The following RIMS2 variants were observed in gnomAD, a reference collection of about 807,000 sequenced individuals.
RIMS2 encodes the protein regulating synaptic membrane exocytosis protein 2.
In RIMS2, 59 loss-of-function variants were observed where a neutral mutation model predicts 174.4. The observed-to-expected ratio is 0.34, with a 90% CI of 0.27 to 0.42. The LOEUF is 0.42. RIMS2 is among the 10% of genes least tolerant of loss of function. RIMS2 has a pLI of 1.00. For synonymous variants in RIMS2, 606 were observed against 572.5 expected (o/e 1.06, Z -0.84); for missense variants, 1,620 against 1,666.3 (o/e 0.97, Z 0.48).
At chr8:103,512,353 GT>G (rs1463164812) in intron 1 of RIMS2, among the ~76,000 whole-genome samples, 1 of 152,172 alleles carries the variant, frequency 6.6e-6, no homozygotes, top group Non-Finnish European at 1.5e-5. Flanking sequence ...TAAATTTATA[GT>G]AGGCTATGTT....
At chr8:103,647,850 A>AT (rs1310435731) in intron 1 of RIMS2, among the ~76,000 whole-genome samples, 1 of 130,138 alleles carries the variant, frequency 7.7e-6, no homozygotes, top group African/African-American at 2.8e-5. Context: ...TATTATATTA[A>AT]TTTTTTTTCC....
intron 1 of RIMS2, among the ~76,000 whole-genome samples, chr8:103,643,198 G>T (rs193199368): frequency 6.6e-6 from 1 of 151,828 alleles, no homozygotes; most frequent in Non-Finnish European, 1.5e-5. Flanking sequence ...CTGTTGATGA[G>T]TCTGTCAAAG....
intron 19 of RIMS2, among the ~76,000 whole-genome samples, chr8:104,125,266 T>C (rs919780224): frequency 6.6e-6 from 1 of 152,152 alleles, no homozygotes; most frequent in African/African-American, 2.4e-5. Flanking sequence ...GACTGAGCGA[T>C]ATGTATTTTA....
At chr8:103,985,814 T>C (rs186679397) in intron 16 of RIMS2, among the ~76,000 whole-genome samples, 1 of 152,324 alleles carries the variant, frequency 6.6e-6, no homozygotes, top group East Asian at 1.9e-4. Flanking sequence ...CTATCATTTC[T>C]GACAACATAG....
intron 19 of RIMS2, among the ~76,000 whole-genome samples, chr8:104,055,636 G>A (rs569239363): frequency 6.6e-6 from 1 of 152,130 alleles, no homozygotes; most frequent in South Asian, 2.1e-4. Context: ...AAAGATACAG[G>A]AATTGTGACT....
At chr8:104,079,107 T>C (rs2097356406) in intron 19 of RIMS2, among the ~76,000 whole-genome samples, 1 of 152,044 alleles carries the variant, frequency 6.6e-6, no homozygotes. Context: ...AAAAAAGTCA[T>C]TTGAGATGAC....
At chr8:103,745,704 A>C (rs529513058) in intron 2 of RIMS2, among the ~76,000 whole-genome samples, 1 of 152,200 alleles carries the variant, frequency 6.6e-6, no homozygotes, top group East Asian at 1.9e-4. Flanking sequence ...TTTGATTTGC[A>C]TTTTCCAGTG....
chr8:103,636,796 C>G (rs1483232366), intron 1 of RIMS2, among the ~76,000 whole-genome samples: 15 of 59,904 alleles, frequency 2.5e-4, no homozygotes, highest in Non-Finnish European at 4.6e-4. Context: ...GCACCCCCCC[C>G]CCCCCACACA....
At chr8:104,222,066 T>C (rs1003973861) in intron 19 of RIMS2, among the ~76,000 whole-genome samples, 3 of 152,240 alleles carry the variant, frequency 2.0e-5, no homozygotes, top group Non-Finnish European at 4.4e-5. Context: ...TTCACACCTC[T>C]GTTCAAATGT....
At chr8:103,545,519 T>C (rs28871669) in intron 1 of RIMS2, among the ~76,000 whole-genome samples, 27,713 of 152,180 alleles carry the variant, frequency 0.18, 2,770 homozygotes, top group African/African-American at 0.26. Flanking sequence ...CCAGGAAATG[T>C]AGAGAATCCC....
intron 2 of RIMS2, among the ~76,000 whole-genome samples, chr8:103,701,452 C>T (rs1432820047): frequency 6.6e-6 from 1 of 152,074 alleles, no homozygotes; most frequent in Non-Finnish European, 1.5e-5. Flanking sequence ...TTTCTCCCAG[C>T]TATTTTGAAA....
At position 104,146,523 on chromosome 8, in the gene RIMS2, T is replaced by A. The variant is rs112244834; in HGVS notation, c.3335-98393T>A. ...TGCAAAATGATGTATCAGTTCCAGT[T>A]AGTATTTTATTGTAGTGTCTTATTT... On this transcript the variant is annotated intron_variant, in intron 19 of 23. Transcript: ENST00000504942. Among the ~76,000 whole-genome samples the A allele has an allele frequency of 3.3e-3, 497 of 152,344 alleles. 4 individuals carry two copies. The highest frequency in any genetic ancestry group is 0.011 in the African/African-American group (457 of 41,580).
intron 19 of RIMS2, among the ~76,000 whole-genome samples, chr8:104,072,438 T>C (rs1171105120): frequency 6.6e-6 from 1 of 152,140 alleles, no homozygotes; most frequent in Non-Finnish European, 1.5e-5. Context: ...ATAAGGGAAC[T>C]AAGATATAGA....
intron 14 of RIMS2, among the ~76,000 whole-genome samples, chr8:103,943,185 T>G (rs1471072984): frequency 6.6e-6 from 1 of 152,194 alleles, no homozygotes. Flanking sequence ...TGACACCAAA[T>G]AAGCATATTT....
intron 19 of RIMS2, among the ~76,000 whole-genome samples, chr8:104,136,883 G>A (rs556639621): frequency 6.6e-6 from 1 of 152,016 alleles, no homozygotes; most frequent in Non-Finnish European, 1.5e-5. Flanking sequence ...GATAATCTGT[G>A]CAACAAACCC....
intron 14 of RIMS2, among the ~76,000 whole-genome samples, chr8:103,952,271 C>T (rs570952553): frequency 6.6e-6 from 1 of 152,238 alleles, no homozygotes; most frequent in East Asian, 1.9e-4. Flanking sequence ...AAGGGACAGA[C>T]TGCCTCCTCA....
At chr8:104,023,856 G>T (rs548489356) in intron 19 of RIMS2, among the ~76,000 whole-genome samples, 1 of 152,240 alleles carries the variant, frequency 6.6e-6, no homozygotes, top group South Asian at 2.1e-4. Flanking sequence ...ATATTTTGAA[G>T]TTGGGAAGAT....
chr8:103,897,207 T>C (rs1430675973), intron 4 of RIMS2, among the ~76,000 whole-genome samples: 1 of 151,790 alleles, frequency 6.6e-6, no homozygotes, highest in Admixed American at 6.6e-5. Context: ...ATATTCTTAC[T>C]TCATGGCACC....
chr8:104,074,444 A>C (rs981563663), intron 19 of RIMS2, among the ~76,000 whole-genome samples: 9 of 152,224 alleles, frequency 5.9e-5, no homozygotes, highest in Admixed American at 1.3e-4. Flanking sequence ...AGCTAATATT[A>C]GTTATTATTT....
Sources: allele counts gnomAD v4.1 joint callset (sites outside exome capture counted in the v4.1 genomes callset), GRCh38; gene constraint gnomAD v4.1.1; transcripts MANE v1.5; gene names NCBI Gene and HGNC (gene_info 2026-07-23, HGNC 2026-07-21).